DLC1: variants seen among roughly 807,000 people sequenced by gnomAD.
DLC1 encodes rho GTPase-activating protein 7.
In DLC1, 54 loss-of-function variants were observed where a neutral mutation model predicts 140.3. The observed-to-expected ratio is 0.38, with a 90% CI of 0.31 to 0.48. The LOEUF (loss-of-function observed/expected upper bound fraction) is 0.48, where lower values mean the gene tolerates loss of function less well. DLC1 is among the 20% of genes least tolerant of loss of function. The probability of loss-of-function intolerance (pLI) is 0.96; values close to 1 mark genes in which losing one functional copy is unlikely to be tolerated. For missense variants in DLC1, 2,536 were observed against 1,907.0 expected, an observed-to-expected ratio of 1.33 and a Z score of -6.14; for synonymous variants, 986 against 728.1, an observed-to-expected ratio of 1.35 and a Z score of -5.70.
At chr8:13,420,036 A>G (rs1308406568) in intron 2 of DLC1, among the ~76,000 whole-genome samples, 2 of 152,018 alleles carry the variant, frequency 1.3e-5, no homozygotes, top group African/African-American at 4.8e-5. Flanking sequence ...GGTAGTTTGT[A>G]TTTCTGTGGG....
At chr8:13,370,007 G>A (rs1835661039) in intron 4 of DLC1, among the ~76,000 whole-genome samples, 3 of 150,504 alleles carry the variant, frequency 2.0e-5, no homozygotes, top group Non-Finnish European at 4.4e-5. Flanking sequence ...CGCTCACTTG[G>A]CCCCAGAAGA....
chr8:13,372,128 T>C (rs1340210542), intron 4 of DLC1, among the ~76,000 whole-genome samples: 1 of 151,006 alleles, frequency 6.6e-6, no homozygotes, highest in Non-Finnish European at 1.5e-5. Context: ...ATTTCACTTG[T>C]TATTTCTTCA....
At chr8:13,366,569 T>A (rs753303600) in intron 4 of DLC1, among the ~76,000 whole-genome samples, 3 of 152,244 alleles carry the variant, frequency 2.0e-5, no homozygotes, top group African/African-American at 7.2e-5. Flanking sequence ...TCTTGACTTA[T>A]ACTTCAGTGT....
intron 2 of DLC1, among the ~76,000 whole-genome samples, chr8:13,451,167 G>C (rs150332993): frequency 1.1e-4 from 17 of 150,936 alleles, no homozygotes; most frequent in African/African-American, 4.1e-4. Context: ...ATGTATAAAG[G>C]TCTTTTGCCT....
At chr8:13,427,901 C>G (rs1461087129) in intron 2 of DLC1, among the ~76,000 whole-genome samples, 1 of 152,154 alleles carries the variant, frequency 6.6e-6, no homozygotes, top group African/African-American at 2.4e-5. Context: ...CTCACAGAAC[C>G]AAATAAAATG....
At chr8:13,302,664 A>G (rs1334555870) in intron 5 of DLC1, among the ~76,000 whole-genome samples, 1 of 151,600 alleles carries the variant, frequency 6.6e-6, no homozygotes, top group Non-Finnish European at 1.5e-5. Context: ...GATTAAAAAT[A>G]GACTTTCTTA....
intron 1 of DLC1, among the ~76,000 whole-genome samples, chr8:13,586,524 C>T (rs1403375326): frequency 6.6e-6 from 1 of 151,028 alleles, no homozygotes; most frequent in Non-Finnish European, 1.5e-5. Flanking sequence ...AGGTTAGTAA[C>T]TGAATGAATT....
chr8:13,588,446 G>A (rs773275975), intron 1 of DLC1, among the ~76,000 whole-genome samples: 8 of 151,976 alleles, frequency 5.3e-5, no homozygotes, highest in Non-Finnish European at 8.8e-5. Context: ...GCAGAGACCC[G>A]ATAAAAACTT....
chr8:13,237,036 C>G (rs1024565722), intron 5 of DLC1, among the ~76,000 whole-genome samples: 4 of 151,950 alleles, frequency 2.6e-5, no homozygotes, highest in Non-Finnish European at 4.4e-5. Context: ...TTTGAGGTCC[C>G]TTCCAACTTT....
At chr8:13,473,176 A>G (rs1453174901) in intron 2 of DLC1, among the ~76,000 whole-genome samples, 1 of 152,126 alleles carries the variant, frequency 6.6e-6, no homozygotes, top group South Asian at 2.1e-4. Flanking sequence ...TGGAAACAGG[A>G]AGACAGGTTT....
At chr8:13,183,580 G>T (rs1002361368) in intron 5 of DLC1, among the ~76,000 whole-genome samples, 2 of 152,032 alleles carry the variant, frequency 1.3e-5, no homozygotes, top group African/African-American at 4.8e-5. Flanking sequence ...TAATCATGTG[G>T]TTTTTTTCAT....
At chr8:13,435,607 C>T (rs1839084089) in intron 2 of DLC1, among the ~76,000 whole-genome samples, 1 of 152,164 alleles carries the variant, frequency 6.6e-6, no homozygotes, top group African/African-American at 2.4e-5. Flanking sequence ...AGCCACTGTG[C>T]CCAGCGAGGA....
chr8:13,210,527 A>G (rs1827886078), intron 5 of DLC1, among the ~76,000 whole-genome samples: 1 of 152,226 alleles, frequency 6.6e-6, no homozygotes, highest in Non-Finnish European at 1.5e-5. Context: ...AACAGAAGCA[A>G]TAAGATTTGC....
At chr8:13,369,554 T>C (rs145227460) in intron 4 of DLC1, among the ~76,000 whole-genome samples, 54 of 152,282 alleles carry the variant, frequency 3.5e-4, no homozygotes, top group African/African-American at 1.2e-3. Context: ...ATTCTTCTAG[T>C]AGCTCGGGCA....
chr8:13,531,415 A>G (rs1010289571), intron 1 of DLC1, among the ~76,000 whole-genome samples: 2 of 152,078 alleles, frequency 1.3e-5, no homozygotes, highest in African/African-American at 4.8e-5. Flanking sequence ...GTGAAACCCC[A>G]TCTCTACTAA....
intron 5 of DLC1, chr8:13,132,955 A>G: frequency 6.2e-7 from 1 of 1,610,656 alleles, no homozygotes; most frequent in Non-Finnish European, 8.5e-7. Context: ...TGTTAGGATC[A>G]TGGTGTCCGG....
chr8:13,546,530 C>G (rs1240259444), intron 1 of DLC1, among the ~76,000 whole-genome samples: 1 of 152,084 alleles, frequency 6.6e-6, no homozygotes, highest in Non-Finnish European at 1.5e-5. Context: ...AGTCACCTTC[C>G]AGATGTCTTA....
intron 5 of DLC1, among the ~76,000 whole-genome samples, chr8:13,266,800 T>A (rs772657733): frequency 5.9e-5 from 9 of 152,086 alleles, no homozygotes; most frequent in Admixed American, 6.6e-5. Context: ...ATGGTTCTAA[T>A]ACAACAAAAA....
rs1425782466 is a variant in DLC1, at chr8:13,085,844, C to G, written c.4554G>C (p.Gln1518His). 6.2e-7 allele frequency: 1 copy of G among 1,614,158 alleles called. No homozygotes were observed. Among genetic ancestry groups the G allele is most frequent in the East Asian group, 2.2e-5 (1 of 44,870 alleles). ...ATTTGGTGTCTTTGGTTTCAGTGTT[C>G]TGGTTACTGAAGGAATCCCGGATCT... The part of the protein sequence containing the change: ...VVKIRDSFSN[Q>H]NTETKDTKSR The change falls in exon 18 of 18, where the codon CAG becomes CAC. Residue 1518 changes from glutamine to histidine, a missense_variant. Gln to His is a conservative substitution (Grantham distance 24, BLOSUM62 0). Coordinates refer to ENST00000276297, the MANE Select transcript of DLC1 (RefSeq NM_182643.3).
Sources: gnomAD v4.1 joint callset for allele counts (sites outside exome capture counted in the v4.1 genomes callset) on GRCh38, gnomAD v4.1.1 for gene constraint, MANE v1.5 for transcripts, NCBI Gene and HGNC (gene_info 2026-07-23, HGNC 2026-07-21) for gene names.